The following ASTN2 variants were observed in gnomAD, a reference collection of about 807,000 sequenced individuals.
The protein encoded by ASTN2 is astrotactin-2.
ASTN2 carries 54 observed loss-of-function variants against 139.8 expected under a neutral mutation model. That is an observed-to-expected ratio of 0.39 (90% CI 0.31 to 0.48). The LOEUF is 0.48. ASTN2 is among the 20% of genes least tolerant of loss of function. ASTN2 has a pLI of 0.95. For synonymous variants in ASTN2, 756 were observed against 719.5 expected, an observed-to-expected ratio of 1.05 and a Z score of -0.81; for missense variants, 1,565 against 1,725.1, an observed-to-expected ratio of 0.91 and a Z score of 1.64.
intron 17 of ASTN2, among the ~76,000 whole-genome samples, chr9:116,649,103 AT>A (rs1466425167): frequency 6.6e-6 from 1 of 152,148 alleles, no homozygotes; most frequent in African/African-American, 2.4e-5. Flanking sequence ...TCCTTATGCC[AT>A]TACCTTAGTT....
chr9:117,412,788 C>A (rs188195982), intron 1 of ASTN2, among the ~76,000 whole-genome samples: 3 of 152,306 alleles, frequency 2.0e-5, no homozygotes, highest in South Asian at 2.1e-4. Context: ...GGGATACCTT[C>A]TGTGTCTCTA....
chr9:116,459,021 G>C, intron 20 of ASTN2, among the ~76,000 whole-genome samples: 1 of 151,992 alleles, frequency 6.6e-6, no homozygotes, highest in East Asian at 1.9e-4. Context: ...ACAGAGCTAT[G>C]GTAATCAAGA....
At chr9:117,117,638 T>C (rs566529035) in intron 4 of ASTN2, among the ~76,000 whole-genome samples, 2 of 152,198 alleles carry the variant, frequency 1.3e-5, no homozygotes, top group East Asian at 3.9e-4. Flanking sequence ...CCCTACCCCA[T>C]GGTACTGCAG....
chr9:116,791,719 G>A (rs1426009763), intron 13 of ASTN2, among the ~76,000 whole-genome samples: 1 of 152,200 alleles, frequency 6.6e-6, no homozygotes, highest in Non-Finnish European at 1.5e-5. Context: ...GTTTAGACCA[G>A]CCTGAGTTAC....
intron 6 of ASTN2, 85 bp from the exon 7 acceptor site, chr9:117,008,344 G>T (rs991321536): frequency 7.9e-7 from 1 of 1,259,594 alleles, no homozygotes; most frequent in Non-Finnish European, 1.1e-6. Flanking sequence ...GTGTGTACAA[G>T]CCACGTTCCC....
At chr9:117,220,502 G>T (rs1037697643) in intron 2 of ASTN2, among the ~76,000 whole-genome samples, 1 of 152,134 alleles carries the variant, frequency 6.6e-6, no homozygotes, top group African/African-American at 2.4e-5. Flanking sequence ...AAGTCATATT[G>T]GATTAAAGTG....
intron 10 of ASTN2, among the ~76,000 whole-genome samples, chr9:116,936,192 TACCACAACCATCAC>T (rs1835073623): frequency 9.6e-5 from 2 of 20,766 alleles, no homozygotes; most frequent in Non-Finnish European, 2.1e-4. Context: ...CCACCACCAG[TACCACAACCATCAC>T]CATCACCACC....
chr9:117,217,715 T>A (rs191031293), intron 2 of ASTN2, among the ~76,000 whole-genome samples: 5 of 152,330 alleles, frequency 3.3e-5, no homozygotes, highest in Non-Finnish European at 7.4e-5. Flanking sequence ...GGGTATTTAA[T>A]ATAGGGTAGG....
chr9:117,200,573 G>A (rs1457827566), intron 3 of ASTN2, among the ~76,000 whole-genome samples: 1 of 152,038 alleles, frequency 6.6e-6, no homozygotes, highest in African/African-American at 2.4e-5. Flanking sequence ...TAACATGAAG[G>A]GATGTTGAAT....
chr9:116,755,694 C>A (rs1042466311), intron 13 of ASTN2, among the ~76,000 whole-genome samples: 2 of 152,230 alleles, frequency 1.3e-5, no homozygotes, highest in African/African-American at 4.8e-5. Flanking sequence ...TGCAGAGGAA[C>A]ACTCTACTAG....
intron 3 of ASTN2, among the ~76,000 whole-genome samples, chr9:117,145,447 G>C (rs549997048): frequency 1.6e-4 from 25 of 152,304 alleles, no homozygotes; most frequent in African/African-American, 6.0e-4. Flanking sequence ...TTTGGCCCGT[G>C]GGATGCCCCA....
intron 7 of ASTN2, among the ~76,000 whole-genome samples, chr9:116,979,546 TA>T (rs1333899220): frequency 1.3e-5 from 2 of 152,102 alleles, no homozygotes; most frequent in African/African-American, 4.8e-5. Flanking sequence ...AAAGAAGTGT[TA>T]AAATGCAACA....
At chr9:116,545,609 A>C (rs1217564531) in intron 19 of ASTN2, 1 of 152,236 alleles carries the variant, frequency 6.6e-6, no homozygotes, top group Non-Finnish European at 1.5e-5. Flanking sequence ...TGAAAGCAAT[A>C]GTTTAAGAAG....
Position 116,887,799 on chromosome 9 carries a change from C to T in ASTN2, c.1890-24066G>A, listed in dbSNP as rs145546619. On this transcript the variant is annotated intron_variant, in intron 10 of 22. Transcript: ENST00000313400. ...CCTCCCACCTCAGCCTCCCAAGAAG[C>T]TGGGACTACAGGCCCGTACCACCAC... Among the ~76,000 whole-genome samples, 18 of 152,164 alleles carry T rather than the reference C, an allele frequency of 1.2e-4. 1 individual carries two copies. The South Asian group carries it at 3.3e-3, about 28-fold the overall frequency.
intron 19 of ASTN2, among the ~76,000 whole-genome samples, chr9:116,553,629 C>T (rs909394862): frequency 3.9e-5 from 6 of 152,144 alleles, no homozygotes; most frequent in South Asian, 2.1e-4. Flanking sequence ...GAGCCCAAGT[C>T]GAACTTTTAC....
At chr9:117,268,885 T>A (rs1453037810) in intron 2 of ASTN2, among the ~76,000 whole-genome samples, 1 of 152,168 alleles carries the variant, frequency 6.6e-6, no homozygotes, top group African/African-American at 2.4e-5. Flanking sequence ...AACAAAAAAC[T>A]TGACACATGC....
At chr9:117,177,251 C>G (rs533216045) in intron 3 of ASTN2, among the ~76,000 whole-genome samples, 1 of 152,268 alleles carries the variant, frequency 6.6e-6, no homozygotes, top group Non-Finnish European at 1.5e-5. Context: ...ACAGTTTATG[C>G]TCTGTAACTA....
chr9:117,183,243 C>G (rs1383148729), intron 3 of ASTN2, among the ~76,000 whole-genome samples: 1 of 152,148 alleles, frequency 6.6e-6, no homozygotes, highest in Non-Finnish European at 1.5e-5. Context: ...AAGGGTCACG[C>G]CAGCACTTTC....
chr9:116,507,424 C>T (rs1850159564), intron 19 of ASTN2, among the ~76,000 whole-genome samples: 3 of 152,136 alleles, frequency 2.0e-5, no homozygotes, highest in Admixed American at 6.5e-5. Flanking sequence ...CAATTAGAAT[C>T]AAACCAGACT....
Sources: gnomAD v4.1 joint callset for allele counts (sites outside exome capture counted in the v4.1 genomes callset) on GRCh38, gnomAD v4.1.1 for gene constraint, MANE v1.5 for transcripts, NCBI Gene and HGNC (gene_info 2026-07-23, HGNC 2026-07-21) for gene names.